The following MTHFD2L variants were observed in gnomAD, a reference collection of about 807,000 sequenced individuals.
MTHFD2L encodes the protein bifunctional methylenetetrahydrofolate dehydrogenase/cyclohydrolase 2, mitochondrial.
MTHFD2L carries 29 observed loss-of-function variants against 34.9 expected under a neutral mutation model. The ratio of observed to expected loss-of-function variants is 0.83; its 90% CI spans 0.62 to 1.13. The LOEUF (loss-of-function observed/expected upper bound fraction) is 1.13, where lower values mean the gene tolerates loss of function less well. Among genes scored for constraint, MTHFD2L ranks in the 50% most tolerant of loss-of-function variants. The probability of loss-of-function intolerance (pLI) is 0.00; values close to 1 mark genes in which losing one functional copy is unlikely to be tolerated. For synonymous variants in MTHFD2L, 167 were observed against 155.7 expected (o/e 1.07, Z -0.54); for missense variants, 481 against 446.5 (o/e 1.08, Z -0.70).
At chr4:74,272,336 A>T (rs764676689) in intron 6 of MTHFD2L, among the ~76,000 whole-genome samples, 19 of 152,220 alleles carry the variant, frequency 1.2e-4, no homozygotes, top group Non-Finnish European at 2.5e-4. Flanking sequence ...TTCCAAGGGG[A>T]CTGTTGAATA....
At chr4:74,298,849 C>T (rs1749950006) in intron 7 of MTHFD2L, among the ~76,000 whole-genome samples, 1 of 151,912 alleles carries the variant, frequency 6.6e-6, no homozygotes, top group Non-Finnish European at 1.5e-5. Context: ...AATACAGTTG[C>T]ATTGGAATGG....
At chr4:74,298,927 T>C (rs1231101669) in intron 7 of MTHFD2L, among the ~76,000 whole-genome samples, 1 of 151,888 alleles carries the variant, frequency 6.6e-6, no homozygotes, top group Non-Finnish European at 1.5e-5. Context: ...TATAGGAGAG[T>C]GATAAGTCAC....
chr4:74,202,387 T>C (rs1441203154), intron 5 of MTHFD2L, among the ~76,000 whole-genome samples: 2 of 152,204 alleles, frequency 1.3e-5, no homozygotes, highest in African/African-American at 4.8e-5. Context: ...TCAGACTGAT[T>C]TATTACTGAA....
intron 1 of MTHFD2L, among the ~76,000 whole-genome samples, chr4:74,131,244 C>T (rs1373845349): frequency 6.6e-6 from 1 of 152,148 alleles, no homozygotes; most frequent in Non-Finnish European, 1.5e-5. Flanking sequence ...CTTTAAATTT[C>T]ATGTGGAAAC....
intron 7 of MTHFD2L, among the ~76,000 whole-genome samples, chr4:74,285,912 A>G (rs540507576): frequency 6.6e-6 from 1 of 152,296 alleles, no homozygotes; most frequent in South Asian, 2.1e-4. Flanking sequence ...TCTCACTGTT[A>G]CTATTACTGT....
Position 74,174,639 on chromosome 4 carries a change from C to A in MTHFD2L, c.277C>A (p.Pro93Thr). The change falls in exon 2 of 8, where the codon CCA becomes ACA. Residue 93 changes from proline to threonine, a missense_variant. By Grantham distance (38) the Pro-to-Thr change is conservative (BLOSUM62 -1). Transcript: ENST00000325278. Reference protein sequence around the residue: ...HLSIILVGDNPASHTYVRNKI... With the variant: ...HLSIILVGDNTASHTYVRNKI... ...CAGTATAATTTTAGTGGGAGATAAC[C>A]CAGCAAGCCATACATATGTCAGGAA... The A allele has an allele frequency of 1.3e-6, 2 of 1,598,486 alleles. No individual in the cohort carries two copies. Among genetic ancestry groups the A allele is most frequent in the East Asian group, 2.3e-5 (1 of 43,884 alleles).
intron 7 of MTHFD2L, among the ~76,000 whole-genome samples, chr4:74,283,703 T>C (rs1475927143): frequency 1.3e-5 from 2 of 152,130 alleles, no homozygotes; most frequent in African/African-American, 4.8e-5. Flanking sequence ...AATCCTCTCA[T>C]AAAAGACACC....
chr4:74,246,608 T>G (rs1459714459), intron 6 of MTHFD2L, among the ~76,000 whole-genome samples: 1 of 152,196 alleles, frequency 6.6e-6, no homozygotes, highest in Non-Finnish European at 1.5e-5. Flanking sequence ...TTTTACAGTT[T>G]TAGGTCTAAC....
intron 1 of MTHFD2L, among the ~76,000 whole-genome samples, chr4:74,125,827 A>T (rs1340657501): frequency 6.6e-6 from 1 of 152,160 alleles, no homozygotes; most frequent in Non-Finnish European, 1.5e-5. Flanking sequence ...TTTTACTTGT[A>T]TTTAGAAATA....
intron 7 of MTHFD2L, among the ~76,000 whole-genome samples, chr4:74,290,061 C>A (rs969721408): frequency 6.6e-6 from 1 of 152,174 alleles, no homozygotes; most frequent in Non-Finnish European, 1.5e-5. Flanking sequence ...ATATTGTATA[C>A]AATTGTGAAT....
intron 3 of MTHFD2L, chr4:74,180,744 T>A (rs1343391854): frequency 6.7e-6 from 3 of 449,078 alleles, no homozygotes; most frequent in Non-Finnish European, 1.4e-5. Context: ...TACACAGGCT[T>A]GCTCTTTGTC....
chr4:74,290,245 G>C (rs772209165), intron 7 of MTHFD2L, among the ~76,000 whole-genome samples: 1 of 152,168 alleles, frequency 6.6e-6, no homozygotes, highest in South Asian at 2.1e-4. Flanking sequence ...GAATTACATA[G>C]AAGCTCAGTA....
At chr4:74,256,099 A>G (rs1428238579) in intron 6 of MTHFD2L, among the ~76,000 whole-genome samples, 2 of 152,200 alleles carry the variant, frequency 1.3e-5, no homozygotes, top group African/African-American at 4.8e-5. Flanking sequence ...CAGTGGCTAA[A>G]CTAATTTACA....
chr4:74,196,647 C>T (rs768280551), intron 3 of MTHFD2L, among the ~76,000 whole-genome samples: 1 of 151,828 alleles, frequency 6.6e-6, no homozygotes, highest in Non-Finnish European at 1.5e-5. Context: ...ATAAATACAT[C>T]GCAAAAATAT....
intron 5 of MTHFD2L, among the ~76,000 whole-genome samples, chr4:74,212,853 A>G (rs1736568775): frequency 1.3e-5 from 2 of 152,016 alleles, no homozygotes; most frequent in African/African-American, 4.8e-5. Flanking sequence ...GTCTCTAAAA[A>G]CTTGCTTATG....
intron 6 of MTHFD2L, among the ~76,000 whole-genome samples, chr4:74,248,158 G>T (rs375168540): frequency 7.3e-5 from 11 of 151,406 alleles, no homozygotes; most frequent in African/African-American, 2.4e-4. Flanking sequence ...CAATTTCAGA[G>T]CCTGTTACTG....
chr4:74,286,498 A>G (rs1271402964), intron 7 of MTHFD2L, among the ~76,000 whole-genome samples: 1 of 152,168 alleles, frequency 6.6e-6, no homozygotes, highest in African/African-American at 2.4e-5. Flanking sequence ...TGAGTAGTAA[A>G]TAGCTTCTTG....
At chr4:74,244,433 C>G (rs1345331421) in intron 6 of MTHFD2L, among the ~76,000 whole-genome samples, 2 of 152,206 alleles carry the variant, frequency 1.3e-5, no homozygotes, top group Non-Finnish European at 1.5e-5. Flanking sequence ...TGAATTTATA[C>G]TAGCCCTCTG....
intron 6 of MTHFD2L, among the ~76,000 whole-genome samples, chr4:74,236,926 C>T (rs1207984270): frequency 6.6e-6 from 1 of 151,968 alleles, no homozygotes; most frequent in Admixed American, 6.6e-5. Flanking sequence ...ATAAACCTTA[C>T]TTTTATGGGA....
Sources: allele counts gnomAD v4.1 joint callset (sites outside exome capture counted in the v4.1 genomes callset), GRCh38; gene constraint gnomAD v4.1.1; transcripts MANE v1.5; gene names NCBI Gene and HGNC (gene_info 2026-07-23, HGNC 2026-07-21).